The following NPNT variants were observed in gnomAD, a reference collection of about 807,000 sequenced individuals.
NPNT encodes the protein preosteoblast EGF-like repeat protein with MAM domain.
In NPNT, 45 loss-of-function variants were observed where a neutral mutation model predicts 68.6. That is an observed-to-expected ratio of 0.66 (90% CI 0.52 to 0.84). NPNT has a LOEUF of 0.84. NPNT is among the 40% of genes least tolerant of loss of function. The probability of loss-of-function intolerance (pLI) is 0.00; values close to 1 mark genes in which losing one functional copy is unlikely to be tolerated. For synonymous variants in NPNT, 233 were observed against 253.3 expected, an observed-to-expected ratio of 0.92 and a Z score of 0.76; for missense variants, 672 against 714.8, an observed-to-expected ratio of 0.94 and a Z score of 0.68.
At chr4:105,924,170 C>A (rs1728498459) in intron 2 of NPNT, among the ~76,000 whole-genome samples, 3 of 152,022 alleles carry the variant, frequency 2.0e-5, no homozygotes. Flanking sequence ...TTGGTTCTTT[C>A]ATCTCTCTAT....
At chr4:105,947,782 C>T (rs949321464) in intron 8 of NPNT, among the ~76,000 whole-genome samples, 2 of 152,136 alleles carry the variant, frequency 1.3e-5, no homozygotes, top group African/African-American at 4.8e-5. Flanking sequence ...TTTTCCAAAT[C>T]TGTCACAAAT....
rs190193648 is a variant in NPNT, at chr4:105,924,043, C to T, written c.173-3293C>T. On this transcript the variant is annotated intron_variant, in intron 2 of 11. Transcript: ENST00000379987. ...AGAAGCAGTCCCCTTTGCTGCGCCC[C>T]CCCCCCACCACTTTGCTTATATTCT... 4.8e-3 allele frequency among the ~76,000 whole-genome samples: 726 copies of T among 151,784 alleles called. 9 individuals are homozygous for T. The highest frequency in any genetic ancestry group is 0.027 in the Middle Eastern group (8 of 292).
rs1176993301 is a variant in NPNT at position 105,958,458 on chromosome 4, C to G, written c.1160-13C>G. 2 of 1,575,438 alleles carry G rather than the reference C, an allele frequency of 1.3e-6. No individual in the cohort carries two copies. Among genetic ancestry groups the G allele is most frequent in the Admixed American group, 1.7e-5 (1 of 59,248 alleles). On this transcript the variant is annotated splice_polypyrimidine_tract_variant and intron_variant, in intron 8 of 11. Transcript: ENST00000379987. ...ACACACACACACAAAAACTCAAAAC[C>G]TTTCTCTTGCAGTTCCACGGCAACC... is the stretch of plus-strand genomic sequence containing the variant.
chr4:105,932,701 G>C (rs745792750), intron 3 of NPNT: 2 of 1,534,900 alleles, frequency 1.3e-6, no homozygotes, highest in East Asian at 4.9e-5. Context: ...TTGCCTTCAA[G>C]GGGTGAGCGT....
intron 8 of NPNT, among the ~76,000 whole-genome samples, chr4:105,950,871 C>T (rs1415036504): frequency 6.6e-6 from 1 of 152,196 alleles, no homozygotes; most frequent in Non-Finnish European, 1.5e-5. Flanking sequence ...GATCTGCCTG[C>T]CTCAGCCACC....
intron 3 of NPNT, 114 bp downstream of exon 3, chr4:105,927,542 C>T (rs1728786226): frequency 3.9e-6 from 2 of 516,066 alleles, no homozygotes; most frequent in African/African-American, 1.9e-5. Flanking sequence ...AATATGTGAG[C>T]TGCCATTTTG....
intron 2 of NPNT, among the ~76,000 whole-genome samples, chr4:105,922,741 T>C (rs1389438869): frequency 6.6e-6 from 1 of 152,168 alleles, no homozygotes; most frequent in Non-Finnish European, 1.5e-5. Context: ...ATTTAGAGGT[T>C]ATTTTGAGGG....
chr4:105,922,319 C>T (rs943151826), intron 2 of NPNT, among the ~76,000 whole-genome samples: 49 of 151,758 alleles, frequency 3.2e-4, no homozygotes, highest in African/African-American at 1.1e-3. Flanking sequence ...TTTGATAATT[C>T]ACTGCTTATG....
chr4:105,904,604 T>C (rs1290663571), intron 2 of NPNT, among the ~76,000 whole-genome samples: 1 of 152,214 alleles, frequency 6.6e-6, no homozygotes, highest in Non-Finnish European at 1.5e-5. Context: ...CTGCCTATCA[T>C]TTACTTGTAA....
chr4:105,951,749 G>A (rs1730852898), intron 8 of NPNT, among the ~76,000 whole-genome samples: 1 of 152,122 alleles, frequency 6.6e-6, no homozygotes, highest in Admixed American at 6.6e-5. Flanking sequence ...TAGATCCTAT[G>A]GTAGCTAGTA....
At chr4:105,942,751 C>T (rs1730089619) in intron 8 of NPNT, 49 bp downstream of exon 8, 2 of 1,517,086 alleles carry the variant, frequency 1.3e-6, no homozygotes, top group South Asian at 2.6e-5. Flanking sequence ...TTTATAATGA[C>T]TTTTCAACCA....
intron 2 of NPNT, among the ~76,000 whole-genome samples, chr4:105,922,996 A>C (rs7664696): frequency 0.071 from 10,807 of 152,288 alleles, 687 homozygotes; most frequent in African/African-American, 0.17. Context: ...TCAGAGAAGC[A>C]ATGCTGCCTT....
At position 105,942,330 on chromosome 4, in the gene NPNT, C is replaced by G. The variant is rs535753927; in HGVS notation, c.787C>G (p.Pro263Ala). 4 of 1,602,070 alleles carry G rather than the reference C, an allele frequency of 2.5e-6. No individual in the cohort carries two copies. The highest frequency in any genetic ancestry group is 3.4e-6 in the Non-Finnish European group (4 of 1,171,578). ...CVYIPKVMIE[P>A]SGPIHVPKGN... ...AGATATCCCAAAAGTTATGATTGAA[C>G]CTTCAGGTCCAATTCATGTACCAAA... Residue 263 changes from proline (P) to alanine (A), a missense_variant, in exon 8 of 12, where the codon CCT becomes GCT. Pro to Ala is a conservative substitution (Grantham distance 27). Transcript: ENST00000379987.
chr4:105,935,756 GGA>G (rs1160985156), intron 3 of NPNT, among the ~76,000 whole-genome samples: 3 of 152,054 alleles, frequency 2.0e-5, no homozygotes, highest in Non-Finnish European at 4.4e-5. Flanking sequence ...AGACCTACTT[GGA>G]AAATCAGTAA....
At chr4:105,907,060 G>C (rs1196167589) in intron 2 of NPNT, among the ~76,000 whole-genome samples, 1 of 152,148 alleles carries the variant, frequency 6.6e-6, no homozygotes, top group Non-Finnish European at 1.5e-5. Context: ...GGGAGTCAAA[G>C]TAACCTCAAC....
At position 105,971,256 on chromosome 4, in the gene NPNT, C is replaced by T; in HGVS notation, c.*2266C>T. On this transcript the variant is annotated 3_prime_UTR_variant, in exon 12 of 12. Coordinates refer to ENST00000379987, the MANE Select transcript of NPNT (RefSeq NM_001033047.3). ...TTTCCTTCACCTCATCAGTATGATT[C>T]AGTTTCTCTTATCAATTGGACTCTC... The T allele has an allele frequency of 4.8e-6, 2 of 417,900 alleles. No homozygotes were observed. Among genetic ancestry groups the T allele is most frequent in the South Asian group, 3.3e-5 (2 of 59,874 alleles). 25.9% of individuals were successfully genotyped at this position (417,900 alleles called of 1,614,324 possible).
At chr4:105,901,386 GA>G (rs932397125) in intron 2 of NPNT, among the ~76,000 whole-genome samples, 2 of 152,172 alleles carry the variant, frequency 1.3e-5, no homozygotes, top group African/African-American at 4.8e-5. Context: ...CCTTAATGTA[GA>G]AAAACTATAT....
intron 10 of NPNT, 54 bp from the exon 11 acceptor site, chr4:105,967,134 T>C: frequency 1.3e-6 from 2 of 1,540,748 alleles, no homozygotes; most frequent in Non-Finnish European, 1.8e-6. Flanking sequence ...CCATGCTGCT[T>C]GTTCTAGAAA....
chr4:105,922,155 T>G (rs1728306459), intron 2 of NPNT, among the ~76,000 whole-genome samples: 1 of 152,080 alleles, frequency 6.6e-6, no homozygotes, highest in African/African-American at 2.4e-5. Flanking sequence ...GAGATTGGAT[T>G]GGCTTTTGCC....
Sources: gnomAD v4.1 joint callset for allele counts (sites outside exome capture counted in the v4.1 genomes callset) on GRCh38, gnomAD v4.1.1 for gene constraint, MANE v1.5 for transcripts, NCBI Gene and HGNC (gene_info 2026-07-23, HGNC 2026-07-21) for gene names.